The following HMCN1 variants were observed in gnomAD, a reference collection of about 807,000 sequenced individuals.
The protein encoded by HMCN1 is hemicentin 1.
HMCN1 carries 321 observed loss-of-function variants against 625.9 expected under a neutral mutation model. The observed-to-expected ratio is 0.51, with a 90% CI of 0.47 to 0.56. The LOEUF is 0.56. HMCN1 is among the 20% of genes least tolerant of loss of function. The pLI is 0.00. For missense variants in HMCN1, 6,588 were observed against 6,887.3 expected, an observed-to-expected ratio of 0.96 and a Z score of 1.54; for synonymous variants, 2,425 against 2,417.6, an observed-to-expected ratio of 1.00 and a Z score of -0.09.
At chr1:186,092,477 C>A (rs2102414945) in intron 64 of HMCN1, among the ~76,000 whole-genome samples, 1 of 152,004 alleles carries the variant, frequency 6.6e-6, no homozygotes, top group South Asian at 2.1e-4. Flanking sequence ...GTACAAGTAA[C>A]TGTAGATGGC....
intron 68 of HMCN1, among the ~76,000 whole-genome samples, chr1:186,096,150 A>G (rs1027571121): frequency 7.9e-5 from 12 of 152,052 alleles, no homozygotes; most frequent in African/African-American, 2.9e-4. Context: ...AGTAAGTGAG[A>G]CTCCATGCTC....
At chr1:186,129,379 A>G (rs1661807151) in intron 83 of HMCN1, among the ~76,000 whole-genome samples, 1 of 151,186 alleles carries the variant, frequency 6.6e-6, no homozygotes, top group East Asian at 1.9e-4. Flanking sequence ...TATTACTATC[A>G]TAAATTTTTA....
intron 69 of HMCN1, among the ~76,000 whole-genome samples, chr1:186,104,071 A>G (rs1450076317): frequency 6.6e-6 from 1 of 152,204 alleles, no homozygotes; most frequent in Non-Finnish European, 1.5e-5. Context: ...CTGAAGAGAC[A>G]CAATTTTTCA....
At chr1:186,172,634 A>G (rs1000101993) in intron 102 of HMCN1, among the ~76,000 whole-genome samples, 8 of 152,220 alleles carry the variant, frequency 5.3e-5, no homozygotes, top group Non-Finnish European at 8.8e-5. Flanking sequence ...GGTACATTAT[A>G]GTTCTCCCTA....
chr1:185,970,926 C>G (rs1222372723), intron 15 of HMCN1, among the ~76,000 whole-genome samples: 1 of 152,090 alleles, frequency 6.6e-6, no homozygotes, highest in Non-Finnish European at 1.5e-5. Context: ...TCCCAAAGTG[C>G]TGGGATTACA....
intron 86 of HMCN1, among the ~76,000 whole-genome samples, chr1:186,136,080 G>A (rs1649584345): frequency 6.6e-6 from 1 of 152,134 alleles, no homozygotes; most frequent in Non-Finnish European, 1.5e-5. Context: ...GGAGGCTGAG[G>A]CCGGAGAATT....
intron 72 of HMCN1, 27 bp from the exon 73 acceptor site, chr1:186,113,952 A>G: frequency 6.2e-7 from 1 of 1,613,788 alleles, no homozygotes; most frequent in African/African-American, 1.3e-5. Flanking sequence ...GTCTCACTGA[A>G]TTTTTTCATG....
intron 41 of HMCN1, among the ~76,000 whole-genome samples, chr1:186,046,518 T>C (rs1472752281): frequency 2.0e-5 from 3 of 152,056 alleles, no homozygotes; most frequent in Admixed American, 1.3e-4. Flanking sequence ...ATGTCCTTGA[T>C]GTCTTCCAGT....
At chr1:185,768,292 A>G (rs1400372473) in intron 1 of HMCN1, among the ~76,000 whole-genome samples, 1 of 152,172 alleles carries the variant, frequency 6.6e-6, no homozygotes, top group African/African-American at 2.4e-5. Flanking sequence ...TTTGCATTTT[A>G]TCTTTTTCCT....
chr1:186,167,153 A>G (rs1267768097), intron 100 of HMCN1, among the ~76,000 whole-genome samples: 4 of 152,206 alleles, frequency 2.6e-5, no homozygotes, highest in Non-Finnish European at 5.9e-5. Flanking sequence ...CTTCTTCATA[A>G]GCTTTTATTC....
rs147189545 is a variant in HMCN1 at position 186,178,593 on chromosome 1, G to T, written c.16121G>T (p.Arg5374Leu). Residue 5374 changes from arginine to leucine, a missense_variant, in exon 104 of 107, where the codon CGG (arginine) becomes CTG (leucine). Around this residue, in one of 3 missense-constraint regions of HMCN1, gnomAD observed 1,954 missense variants for 2,013.1 expected, o/e 0.97. Coordinates refer to ENST00000271588, the MANE Select transcript of HMCN1 (RefSeq NM_031935.3). ...CAATACAGTAGCTATAACCTTGCAC[G>T]GTTCTCCCCTGTGAGAAACAACTAT... ...GTQYSSYNLA[R>L]FSPVRNNYQP... 4 of 1,614,016 alleles carry T rather than the reference G, an allele frequency of 2.5e-6. No homozygotes were observed. In the South Asian group the frequency reaches 4.4e-5, roughly 18 times the overall value.
At chr1:185,816,189 A>G (rs944701767) in intron 1 of HMCN1, among the ~76,000 whole-genome samples, 51 of 152,226 alleles carry the variant, frequency 3.4e-4, no homozygotes, top group Non-Finnish European at 6.0e-4. Flanking sequence ...GAGGGACTCA[A>G]AGGAAGAACA....
At chr1:185,926,975 A>G (rs1667308882) in intron 9 of HMCN1, among the ~76,000 whole-genome samples, 1 of 152,212 alleles carries the variant, frequency 6.6e-6, no homozygotes, top group African/African-American at 2.4e-5. Flanking sequence ...TTTTCATGTA[A>G]CATTTCATCA....
chr1:185,939,499 A>G (rs1246059023), intron 11 of HMCN1, among the ~76,000 whole-genome samples: 2 of 152,244 alleles, frequency 1.3e-5, no homozygotes, highest in Admixed American at 6.5e-5. Flanking sequence ...CAGCAGAACT[A>G]TAAGTGACTT....
chr1:185,789,583 A>G (rs1396406435), intron 1 of HMCN1, among the ~76,000 whole-genome samples: 1 of 152,232 alleles, frequency 6.6e-6, no homozygotes, highest in Non-Finnish European at 1.5e-5. Flanking sequence ...TATCTAAATT[A>G]TGCCACAGAT....
At chr1:185,909,906 C>CT (rs1389892095) in intron 5 of HMCN1, among the ~76,000 whole-genome samples, 1 of 152,036 alleles carries the variant, frequency 6.6e-6, no homozygotes, top group Admixed American at 6.6e-5. Flanking sequence ...ATTTTCCACT[C>CT]TATCATTTTC....
chr1:185,960,565 C>T (rs1649941515), intron 11 of HMCN1, among the ~76,000 whole-genome samples: 1 of 152,148 alleles, frequency 6.6e-6, no homozygotes, highest in African/African-American at 2.4e-5. Context: ...TGCTCAATGA[C>T]CTCTTAGCTC....
At chr1:185,883,403 T>A (rs1194660703) in intron 4 of HMCN1, among the ~76,000 whole-genome samples, 1 of 152,066 alleles carries the variant, frequency 6.6e-6, no homozygotes, top group Non-Finnish European at 1.5e-5. Flanking sequence ...TATGCCCCCT[T>A]TCACTCACTT....
Position 186,095,380 on chromosome 1 carries a change from C to T in HMCN1, c.10432C>T (p.Leu3478Phe), listed in dbSNP as rs766445186. The change falls in exon 68 of 107, where the codon CTT becomes TTT. Residue 3478 changes from leucine (L) to phenylalanine (F), a missense_variant. Leu to Phe is a conservative substitution (Grantham distance 22). Transcript: ENST00000271588. Reference sequence around the variant, plus strand: ...GCTTAGAGATGGCCAGCCTCTGGGGCTTGATGCCCATCTGACAGTCAGCAC... The same window carrying T: ...GCTTAGAGATGGCCAGCCTCTGGGGTTTGATGCCCATCTGACAGTCAGCAC... ...AWLRDGQPLG[L>F]DAHLTVSTHG... 1.2e-6 allele frequency: 2 copies of T among 1,613,752 alleles called. No individual in the cohort carries two copies. Among genetic ancestry groups the T allele is most frequent in the Non-Finnish European group, 1.7e-6 (2 of 1,179,868 alleles).
Sources: allele counts gnomAD v4.1 joint callset (sites outside exome capture counted in the v4.1 genomes callset), GRCh38; gene constraint gnomAD v4.1.1; regional missense constraint gnomAD v4.1.1; transcripts MANE v1.5; gene names NCBI Gene and HGNC (gene_info 2026-07-23, HGNC 2026-07-21).